BCL2A1: variants seen among roughly 807,000 people sequenced by gnomAD.
BCL2A1 encodes the protein BCL2 related protein A1.
Under a neutral mutation model 14.4 loss-of-function variants are expected in BCL2A1, and 10 were observed. The observed-to-expected ratio is 0.69, with a 90% CI of 0.43 to 1.18. The LOEUF is 1.18. Among genes scored for constraint, BCL2A1 ranks in the 50% most tolerant of loss-of-function variants. The probability of loss-of-function intolerance (pLI) is 0.00; values close to 1 mark genes in which losing one functional copy is unlikely to be tolerated. For missense variants in BCL2A1, 158 were observed against 205.0 expected, an observed-to-expected ratio of 0.77 and a Z score of 1.40; for synonymous variants, 71 against 76.5, an observed-to-expected ratio of 0.93 and a Z score of 0.38.
intron 1 of BCL2A1, among the ~76,000 whole-genome samples, chr15:79,963,794 T>C (rs2035512864): frequency 6.6e-6 from 1 of 152,206 alleles, no homozygotes; most frequent in Admixed American, 6.5e-5. Context: ...TGAAGCATTA[T>C]ATCTAAAAGG....
At chr15:79,961,518 C>T (rs1177812047) in intron 1 of BCL2A1, among the ~76,000 whole-genome samples, 3 of 152,102 alleles carry the variant, frequency 2.0e-5, no homozygotes, top group Non-Finnish European at 4.4e-5. Context: ...CTTAACAGTA[C>T]ATCTTAATTC....
At position 79,961,057 on chromosome 15, in the gene BCL2A1, T is replaced by A. The variant is rs1483650667; in HGVS notation, c.*10A>T. On this transcript the variant is annotated 3_prime_UTR_variant, in exon 2 of 2. Transcript: ENST00000267953. Reference sequence around the variant, plus strand: ...TAGGCCGGTTTCACAATATGGAGTGTCCTTTCTGGTCAACAGTATTGCTTC... The same window carrying A: ...TAGGCCGGTTTCACAATATGGAGTGACCTTTCTGGTCAACAGTATTGCTTC... 1.2e-6 allele frequency: 2 copies of A among 1,613,774 alleles called. No homozygotes were observed. The highest frequency in any genetic ancestry group is 2.2e-5 in the East Asian group (1 of 44,858).
At chr15:79,969,524 C>T (rs2035575332) in intron 1 of BCL2A1, among the ~76,000 whole-genome samples, 1 of 152,126 alleles carries the variant, frequency 6.6e-6, no homozygotes, top group African/African-American at 2.4e-5. Context: ...ATACACAGCA[C>T]TCTTAATAAT....
intron 1 of BCL2A1, among the ~76,000 whole-genome samples, chr15:79,962,222 A>C (rs2035496095): frequency 6.6e-6 from 1 of 152,144 alleles, no homozygotes; most frequent in Admixed American, 6.6e-5. Context: ...GTTGGGAGTG[A>C]CTCGAGAGCT....
chr15:79,962,640 C>T (rs562846813), intron 1 of BCL2A1, among the ~76,000 whole-genome samples: 16 of 150,090 alleles, frequency 1.1e-4, no homozygotes, highest in East Asian at 2.0e-4. Flanking sequence ...CTCTGCCTCC[C>T]GGGTTCAAGC....
intron 1 of BCL2A1, among the ~76,000 whole-genome samples, chr15:79,965,966 A>AG: frequency 6.6e-6 from 1 of 151,700 alleles, no homozygotes; most frequent in African/African-American, 2.4e-5. Context: ...CAAAGAAAAA[A>AG]AAAAAAAAGA....
At chr15:79,966,573 T>C (rs1458116191) in intron 1 of BCL2A1, among the ~76,000 whole-genome samples, 1 of 152,070 alleles carries the variant, frequency 6.6e-6, no homozygotes, top group Non-Finnish European at 1.5e-5. Flanking sequence ...AAAGGAAGGG[T>C]GATCCCAAGA....
At chr15:79,966,521 C>T (rs775768720) in intron 1 of BCL2A1, among the ~76,000 whole-genome samples, 3 of 152,138 alleles carry the variant, frequency 2.0e-5, no homozygotes, top group Non-Finnish European at 4.4e-5. Context: ...GAGGAGAATG[C>T]TTCATTGAAG....
At chr15:79,963,846 G>T (rs2035513264) in intron 1 of BCL2A1, among the ~76,000 whole-genome samples, 1 of 152,172 alleles carries the variant, frequency 6.6e-6, no homozygotes, top group South Asian at 2.1e-4. Flanking sequence ...ATTGGGAATT[G>T]GTTAAGTAAA....
In BCL2A1 at chr15:79,961,262, G is replaced by T. The variant is rs180811794; in HGVS notation, c.421-88C>A. 46 of 1,263,162 alleles carry T rather than the reference G, an allele frequency of 3.6e-5. No homozygotes were observed. In the African/African-American group the frequency reaches 4.8e-4, roughly 13 times the overall value. The allele number at this position is 1,263,162 out of a possible 1,614,324, so 78.2% of individuals were successfully genotyped here. A position where few individuals can be genotyped will look rare whatever the true frequency, so the allele number is the denominator to read the frequency against. On this transcript the variant is annotated intron_variant, in intron 1 of 1. Coordinates refer to ENST00000267953, the MANE Select transcript of BCL2A1 (RefSeq NM_004049.4). ...GCAAAAATATTTTCATTTAAATAGT[G>T]CAAATAGTTAATCTTCTACCCCTTC...
At chr15:79,961,295 G>T in intron 1 of BCL2A1, 121 bp from the exon 2 acceptor site, 3 of 910,706 alleles carry the variant, frequency 3.3e-6, no homozygotes, top group East Asian at 2.7e-5. Context: ...TTCTACCCCT[G>T]TTAAGCAGCA....
chr15:79,969,484 G>A (rs6495461), intron 1 of BCL2A1, among the ~76,000 whole-genome samples: 148,908 of 152,304 alleles, frequency 0.98, 72,888 homozygotes, highest in Middle Eastern at 1. Flanking sequence ...AAATGGCCAG[G>A]TACTCTACAG....
chr15:79,961,203 A>G (rs1320097845), intron 1 of BCL2A1, 29 bp from the exon 2 acceptor site: 1 of 1,589,602 alleles, frequency 6.3e-7, no homozygotes, highest in Non-Finnish European at 8.6e-7. Flanking sequence ...AACACTTTAA[A>G]CATCATTGGA....
chr15:79,964,291 T>A (rs2035517213), intron 1 of BCL2A1, among the ~76,000 whole-genome samples: 1 of 151,712 alleles, frequency 6.6e-6, no homozygotes, highest in South Asian at 2.1e-4. Context: ...CCAAAGAAAA[T>A]CAAAATCTCA....
chr15:79,963,021 A>C (rs2035505897), intron 1 of BCL2A1, among the ~76,000 whole-genome samples: 1 of 148,310 alleles, frequency 6.7e-6, no homozygotes, highest in Non-Finnish European at 1.5e-5. Context: ...TTGCTCTGCC[A>C]CCCAGGCTGG....
intron 1 of BCL2A1, among the ~76,000 whole-genome samples, chr15:79,970,110 C>G (rs1359381543): frequency 6.6e-6 from 1 of 151,918 alleles, no homozygotes; most frequent in Non-Finnish European, 1.5e-5. Flanking sequence ...AATCAACAAA[C>G]TTTAACAGCC....
intron 1 of BCL2A1, chr15:79,967,762 A>G: frequency 9.6e-7 from 1 of 1,041,270 alleles, no homozygotes; most frequent in Non-Finnish European, 1.5e-6. Flanking sequence ...TGAAAAGATG[A>G]TAACAGTTTT....
chr15:79,968,433 G>GAGCCTTAGAGCC (rs1193154894), intron 1 of BCL2A1, among the ~76,000 whole-genome samples: 2 of 152,196 alleles, frequency 1.3e-5, no homozygotes, highest in Non-Finnish European at 2.9e-5. Context: ...GTCAGGCTCA[G>GAGCCTTAGAGCC]TTAGAAAGAA....
chr15:79,970,969 T>A lies in BCL2A1; in HGVS notation c.151A>T (p.Asn51Tyr). 2 of 1,614,258 alleles carry A rather than the reference T, an allele frequency of 1.2e-6. No homozygotes were observed. The highest frequency in any genetic ancestry group is 1.7e-6 in the Non-Finnish European group (2 of 1,180,042). The change falls in exon 1 of 2, where the codon AAT becomes TAT. Residue 51 changes from asparagine (N) to tyrosine (Y), a missense_variant. By Grantham distance (143) the Asn-to-Tyr change is moderately radical (BLOSUM62 -2). Transcript: ENST00000267953. ...ACATTGTCCAAGCATGACTTCAGAT[T>A]CTTTTCCACTTCTTTTTGGACTGAG... ...AFSVQKEVEK[N>Y]LKSCLDNVNV...
Sources: allele counts gnomAD v4.1 joint callset (sites outside exome capture counted in the v4.1 genomes callset), GRCh38; gene constraint gnomAD v4.1.1; transcripts MANE v1.5; gene names NCBI Gene and HGNC (gene_info 2026-07-23, HGNC 2026-07-21).